Variants in AP3B2 observed in about 807,000 individuals in gnomAD.
AP3B2 encodes the protein adaptor related protein complex 3 subunit beta 2.
AP3B2 carries 50 observed loss-of-function variants against 126.9 expected under a neutral mutation model. The ratio of observed to expected loss-of-function variants is 0.39; its 90% CI spans 0.31 to 0.50. The LOEUF (loss-of-function observed/expected upper bound fraction) is 0.50. Among genes scored for constraint, AP3B2 ranks in the 20% least tolerant of loss-of-function variants. AP3B2 has a pLI of 0.79. For synonymous variants in AP3B2, 541 were observed against 565.0 expected, an observed-to-expected ratio of 0.96 and a Z score of 0.60; for missense variants, 1,177 against 1,426.4, an observed-to-expected ratio of 0.83 and a Z score of 2.82.
intron 14 of AP3B2, among the ~76,000 whole-genome samples, chr15:82,672,839 G>A (rs1310631477): frequency 5.9e-5 from 9 of 152,200 alleles, no homozygotes; most frequent in South Asian, 2.1e-4. Flanking sequence ...TTAAGCATCC[G>A]TGTTGGGAGG....
At position 82,689,135 on chromosome 15, in the gene AP3B2, A is replaced by G. The variant is rs200513781; in HGVS notation, c.264+23T>C. 237 of 1,610,912 alleles carry G rather than the reference A, an allele frequency of 1.5e-4. No homozygotes were observed. In the African/African-American group the frequency reaches 2.7e-3, roughly 19 times the overall value. ...GTCCTGGGGGAGGTGGGGACAAGCA[A>G]TCCCTCACCAGGTAGTGCTCACCTC... On this transcript the variant is annotated intron_variant, in intron 3 of 26. Transcript: ENST00000535359.
intron 1 of AP3B2, among the ~76,000 whole-genome samples, chr15:82,704,390 G>T (rs1023543225): frequency 3.9e-5 from 6 of 152,198 alleles, no homozygotes; most frequent in African/African-American, 1.4e-4. Context: ...AAGTAGCAAT[G>T]TATTTCTGAG....
Position 82,681,583 on chromosome 15 carries a change from A to G in AP3B2, c.361-3T>C, listed in dbSNP as rs756795094. The G allele has an allele frequency of 2.3e-5, 37 of 1,612,510 alleles. No individual in the cohort carries two copies. In the East Asian group the frequency reaches 8.0e-4, roughly 35 times the overall value. The stretch of plus-strand genomic sequence containing the variant: ...GCACGAATCAGCTGGTTGGGATCCT[A>G]AAGGCAGAGGTGGAGGCAGAGCTAT... On this transcript the variant is annotated splice_region_variant and splice_polypyrimidine_tract_variant and intron_variant, in intron 4 of 26. Coordinates refer to ENST00000535359, the MANE Select transcript of AP3B2 (RefSeq NM_001278512.2). This position sits in a 1 kb window ranked among gnomAD's most constrained non-coding sequence, Gnocchi z 4.0.
chr15:82,681,313 C>G lies in AP3B2; in HGVS notation c.521+107G>C, dbSNP rs1332644126. 3 of 1,544,066 alleles carry G rather than the reference C, an allele frequency of 1.9e-6. No individual in the cohort carries two copies. The highest frequency in any genetic ancestry group is 2.6e-6 in the Non-Finnish European group (3 of 1,136,420). ...CTCTGTCAGTCCCCCAAACTACCCT[C>G]CTCAAACCCTCTGAGAAGCAGCAGG... is the stretch of plus-strand genomic sequence containing the variant. On this transcript the variant is annotated intron_variant, in intron 5 of 26. Transcript: ENST00000535359. The surrounding 1 kb of genome is among the most constrained non-coding windows in gnomAD (Gnocchi z 4.0).
intron 14 of AP3B2, among the ~76,000 whole-genome samples, chr15:82,670,126 G>A (rs1336435247): frequency 1.8e-5 from 2 of 108,982 alleles, no homozygotes; most frequent in Non-Finnish European, 3.7e-5. Context: ...GGGGGGGGAC[G>A]AAGATGAAGT....
intron 1 of AP3B2, chr15:82,699,680 C>T (rs1341781238): frequency 5.0e-6 from 2 of 399,574 alleles, no homozygotes; most frequent in Admixed American, 8.8e-5. Context: ...CAAGGTCCTT[C>T]CAGAGATGCT....
Position 82,664,489 on chromosome 15 carries a change from G to A in AP3B2, c.2139C>T (p.Asp713=), listed in dbSNP as rs1345840572. The A allele has an allele frequency of 1.2e-6, 2 of 1,612,526 alleles. No homozygotes were observed. The highest frequency in any genetic ancestry group is 1.7e-6 in the Non-Finnish European group (2 of 1,179,360). Residue 713 remains aspartate, a splice_region_variant and synonymous_variant, in exon 19 of 27, where the codon GAC becomes GAT. Transcript: ENST00000535359. The surrounding 1 kb of genome is among the most constrained non-coding windows in gnomAD (Gnocchi z 4.5). ...TGTCCGATTCACTCTCAGACTCAGG[G>A]TCTGTGGAGGAACAATATGAGGCCT... The part of the protein sequence containing the change: ...ESGPTESADS[D]PESESESDSK...
At chr15:82,666,552 A>C (rs1050255579) in intron 15 of AP3B2, among the ~76,000 whole-genome samples, 195 bp downstream of exon 15, 1 of 152,156 alleles carries the variant, frequency 6.6e-6, no homozygotes, top group African/African-American at 2.4e-5. Flanking sequence ...AGGTGAGATG[A>C]TGCTGGCAGT....
chr15:82,663,055 C>T lies in AP3B2; in HGVS notation c.2604+72G>A. The T allele has an allele frequency of 2.0e-6, 3 of 1,501,678 alleles. No individual in the cohort carries two copies. The Admixed American group carries it at 5.8e-5, about 29-fold the overall frequency. 93.0% of individuals were successfully genotyped at this position (1,501,678 alleles called of 1,614,324 possible). On this transcript the variant is annotated intron_variant, in intron 22 of 26. Transcript: ENST00000535359. ...CTCCATCACACCCACCCCCCACACA[C>T]ATCCACACCATAGGATGCAGCACAG...
At chr15:82,707,723 CCTT>C (rs2048818890) in intron 1 of AP3B2, among the ~76,000 whole-genome samples, 1 of 152,268 alleles carries the variant, frequency 6.6e-6, no homozygotes. Flanking sequence ...CTGTTTTTCT[CCTT>C]CTCTTATTCC....
chr15:82,662,403 C>T (rs2278355), intron 23 of AP3B2, 151 bp from the exon 24 acceptor site: 391,735 of 685,728 alleles, frequency 0.57, 113,205 homozygotes, highest in Admixed American at 0.61. Context: ...AGACTGTTCC[C>T]GGTTTCCTCC....
chr15:82,680,513 G>A lies in AP3B2; in HGVS notation c.1014C>T (p.Gly338=). The A allele has an allele frequency of 1.3e-6, 2 of 1,533,356 alleles. No individual in the cohort carries two copies. The highest frequency in any genetic ancestry group is 1.7e-6 in the Non-Finnish European group (2 of 1,145,298). The allele number at this position is 1,533,356 out of a possible 1,614,324, so 95.0% of individuals were successfully genotyped here. ...GGCGCACCAGCGCCTTGGCGATGAC[G>A]CCCACTTCCGCCTTGGGCGCCAGGT... ...YFHLAPKAEV[G]VIAKALVRLL... Residue 338 remains glycine (G), a synonymous_variant, in exon 8 of 27, where the codon GGC becomes GGT. Transcript: ENST00000535359. The surrounding 1 kb of genome is among the most constrained non-coding windows in gnomAD (Gnocchi z 6.1).
chr15:82,701,108 G>A (rs1356331605), intron 1 of AP3B2, among the ~76,000 whole-genome samples: 1 of 152,056 alleles, frequency 6.6e-6, no homozygotes. Context: ...TGACCTGCCC[G>A]CCTCAGCCTC....
Position 82,659,693 on chromosome 15 carries a change from A to G in AP3B2, c.3173T>C (p.Leu1058Pro). The G allele has an allele frequency of 1.9e-6, 3 of 1,613,826 alleles. No homozygotes were observed. The highest frequency in any genetic ancestry group is 2.5e-6 in the Non-Finnish European group (3 of 1,179,826). ...CAGCAGAACGAGGCTTCCACCAGTC[A>G]GTGTCCTCCCTGCAAACCTGAGGTG... ...SDEYRFAGRT[L>P]TGGSLVLLTL... The change falls in exon 27 of 27, where the codon CTG becomes CCG. Residue 1058 changes from leucine (L) to proline (P), a missense_variant. By Grantham distance (98) the Leu-to-Pro change is moderately conservative (BLOSUM62 -3). Coordinates refer to ENST00000535359, the MANE Select transcript of AP3B2 (RefSeq NM_001278512.2).
intron 1 of AP3B2, among the ~76,000 whole-genome samples, chr15:82,700,397 C>CTTTTTTTTTTT (rs1226910164): frequency 0.024 from 856 of 35,062 alleles, 331 homozygotes; most frequent in Non-Finnish European, 0.036. Context: ...TGGTGGGTGG[C>CTTTTTTTTTTT]TTTTTTTTTT....
At chr15:82,701,968 T>C (rs150967219) in intron 1 of AP3B2, among the ~76,000 whole-genome samples, 27 of 152,300 alleles carry the variant, frequency 1.8e-4, no homozygotes, top group Non-Finnish European at 3.4e-4. Flanking sequence ...GACCACTCCC[T>C]CCTTCTTGAA....
chr15:82,667,680 T>G (rs1381401907), intron 14 of AP3B2, among the ~76,000 whole-genome samples: 2 of 152,354 alleles, frequency 1.3e-5, no homozygotes, highest in East Asian at 3.9e-4. Context: ...TGGCACCAAC[T>G]CTGTGCTAGG....
chr15:82,690,445 A>C (rs2048507948), intron 1 of AP3B2, among the ~76,000 whole-genome samples: 1 of 149,158 alleles, frequency 6.7e-6, no homozygotes. Context: ...GATGTTCCCC[A>C]CCCCGTGTTC....
rs982106208 is a variant in AP3B2, at chr15:82,709,855, G to C, written c.-149C>G. The C allele has an allele frequency of 1.9e-6, 1 of 533,364 alleles. No individual in the cohort carries two copies. The highest frequency in any genetic ancestry group is 2.0e-5 in the African/African-American group (1 of 50,204). 33.0% of individuals were successfully genotyped at this position (533,364 alleles called of 1,614,324 possible). ...GCAGAGGCTGCAGTGTGCAGCGGCG[G>C]AGGCTGCGCGCGGATTTCTCAATCA... On this transcript the variant is annotated 5_prime_UTR_variant, in exon 1 of 27. Transcript: ENST00000535359.
Sources: allele counts gnomAD v4.1 joint callset (sites outside exome capture counted in the v4.1 genomes callset), GRCh38; gene constraint gnomAD v4.1.1; non-coding constraint Gnocchi (gnomAD v3.1); transcripts MANE v1.5; gene names NCBI Gene and HGNC (gene_info 2026-07-23, HGNC 2026-07-21).